EPB41: variants seen among roughly 807,000 people sequenced by gnomAD.
EPB41 encodes the protein protein 4.1.
In EPB41, 65 loss-of-function variants were observed where a neutral mutation model predicts 108.0. The ratio of observed to expected loss-of-function variants is 0.60; its 90% CI spans 0.49 to 0.74. The LOEUF is 0.74. Among genes scored for constraint, EPB41 ranks in the 30% least tolerant of loss-of-function variants. The pLI is 0.00. For missense variants in EPB41, 875 were observed against 1,037.0 expected (o/e 0.84, Z 2.15); for synonymous variants, 336 against 358.9 (o/e 0.94, Z 0.72).
chr1:29,069,413 A>C (rs1251690406), intron 16 of EPB41: 1 of 1,228,072 alleles, frequency 8.1e-7, no homozygotes, highest in East Asian at 3.2e-5. Flanking sequence ...GCATTTGCTT[A>C]AAGTAATGTA....
At chr1:28,990,018 A>T (rs2095970497) in intron 2 of EPB41, among the ~76,000 whole-genome samples, 1 of 152,114 alleles carries the variant, frequency 6.6e-6, no homozygotes, top group South Asian at 2.1e-4. Context: ...GCACTCTAGG[A>T]GGCTGAGGCA....
chr1:28,937,676 A>G (rs1254896352), intron 1 of EPB41, among the ~76,000 whole-genome samples: 4 of 152,202 alleles, frequency 2.6e-5, no homozygotes, highest in Non-Finnish European at 5.9e-5. Flanking sequence ...TACAGGCGTG[A>G]GCCACCGCGC....
intron 4 of EPB41, among the ~76,000 whole-genome samples, chr1:29,006,330 G>A (rs1423694919): frequency 6.8e-6 from 1 of 147,110 alleles, no homozygotes; most frequent in Non-Finnish European, 1.5e-5. Flanking sequence ...TCCGCCTCCC[G>A]GGTTCACGCC....
intron 17 of EPB41, among the ~76,000 whole-genome samples, chr1:29,098,460 G>T (rs1664035389): frequency 6.6e-6 from 1 of 152,186 alleles, no homozygotes; most frequent in Non-Finnish European, 1.5e-5. Flanking sequence ...CTCCCAAAGT[G>T]CTGAGATTAT....
intron 16 of EPB41, chr1:29,070,628 G>GT (rs997972162): frequency 6.0e-5 from 74 of 1,231,962 alleles, no homozygotes; most frequent in Non-Finnish European, 7.4e-5. Flanking sequence ...AGAAAACAGG[G>GT]TGCTCATCTG....
chr1:29,083,427 T>C (rs1657553701), intron 16 of EPB41, among the ~76,000 whole-genome samples: 1 of 152,202 alleles, frequency 6.6e-6, no homozygotes, highest in South Asian at 2.1e-4. Context: ...TTACAAGCTT[T>C]TGGGGGTGGG....
chr1:29,072,401 G>A (rs1651899653), intron 16 of EPB41: 2 of 152,066 alleles, frequency 1.3e-5, no homozygotes, highest in African/African-American at 4.8e-5. Context: ...GAATTAAAAG[G>A]AAATAATCAG....
At chr1:29,014,491 T>C (rs2096551453) in intron 5 of EPB41, among the ~76,000 whole-genome samples, 1 of 151,988 alleles carries the variant, frequency 6.6e-6, no homozygotes, top group African/African-American at 2.4e-5. Context: ...CAGTTTTCGT[T>C]CCTGGAAGCA....
intron 1 of EPB41, among the ~76,000 whole-genome samples, chr1:28,970,960 G>A (rs2095478408): frequency 6.6e-6 from 1 of 151,904 alleles, no homozygotes; most frequent in South Asian, 2.1e-4. Flanking sequence ...CGATTCTCCT[G>A]TCTCAGCCTC....
chr1:29,051,877 G>A (rs1644583213), intron 11 of EPB41, among the ~76,000 whole-genome samples: 2 of 139,748 alleles, frequency 1.4e-5, no homozygotes, highest in African/African-American at 2.7e-5. Flanking sequence ...TAGCCTAGGC[G>A]ACAGGGCAAG....
rs140309930 is a variant in EPB41, at chr1:29,081,821, G to A, written c.2185-15986G>A. On this transcript the variant is annotated intron_variant, in intron 16 of 20. Coordinates refer to ENST00000343067, the MANE Select transcript of EPB41 (RefSeq NM_001376013.1). ...TTGCACTCCAGCCTGGGCAACAAGA[G>A]CGAAACTCTGTCTCAAAAAAAAAAA... Among the ~76,000 whole-genome samples the A allele has an allele frequency of 4.8e-3, 653 of 135,528 alleles. 4 individuals are homozygous for A. Among genetic ancestry groups the A allele is most frequent in the African/African-American group, 0.016 (617 of 37,682 alleles). 88.9% of individuals were successfully genotyped at this position (135,528 alleles called of 152,430 possible). A position where few individuals can be genotyped will look rare whatever the true frequency, so the allele number is the denominator to read the frequency against.
intron 1 of EPB41, among the ~76,000 whole-genome samples, chr1:28,944,266 T>TA (rs1411963650): frequency 2.6e-5 from 4 of 151,622 alleles, no homozygotes; most frequent in African/African-American, 4.8e-5. Flanking sequence ...GTTAATTGGT[T>TA]AAAAAAAATA....
intron 1 of EPB41, among the ~76,000 whole-genome samples, chr1:28,950,146 A>C (rs1046752252): frequency 1.3e-5 from 2 of 152,142 alleles, no homozygotes; most frequent in Non-Finnish European, 2.9e-5. Context: ...TAAGCATCTC[A>C]AAGTTTCTCT....
intron 5 of EPB41, 71 bp downstream of exon 5, chr1:29,011,978 G>A: frequency 6.5e-7 from 1 of 1,542,196 alleles, no homozygotes; most frequent in South Asian, 1.1e-5. Context: ...AACCATTTCT[G>A]GCTGTGAGTC....
Position 29,020,318 on chromosome 1 carries a change from C to T in EPB41, c.1124+1876C>T, listed in dbSNP as rs1418049202. 5.3e-5 allele frequency among the ~76,000 whole-genome samples: 8 copies of T among 151,894 alleles called. No individual in the cohort carries two copies. The East Asian group carries it at 5.8e-4, about 11-fold the overall frequency. Reference sequence around the variant, plus strand: ...TTCTGACCTCATGATCCACCTGCCTCGGCCTCCCAAAGTGCTGGGATTACA... The same window carrying T: ...TTCTGACCTCATGATCCACCTGCCTTGGCCTCCCAAAGTGCTGGGATTACA... On this transcript the variant is annotated intron_variant, in intron 7 of 20. Transcript: ENST00000343067.
At chr1:29,080,636 T>A (rs1217296180) in intron 16 of EPB41, among the ~76,000 whole-genome samples, 1 of 150,674 alleles carries the variant, frequency 6.6e-6, no homozygotes, top group African/African-American at 2.4e-5. Flanking sequence ...CCATCCACCC[T>A]CCCCAGCCTC....
At chr1:28,902,548 G>A (rs1408723615) in intron 1 of EPB41, among the ~76,000 whole-genome samples, 1 of 152,116 alleles carries the variant, frequency 6.6e-6, no homozygotes, top group African/African-American at 2.4e-5. Context: ...CCAAGACAGA[G>A]GTGCCCAAAG....
chr1:28,947,408 G>GACAAACAAACAA (rs61120635), intron 1 of EPB41, among the ~76,000 whole-genome samples: 1 of 149,626 alleles, frequency 6.7e-6, no homozygotes, highest in Non-Finnish European at 1.5e-5. Flanking sequence ...CTCCGTCTCA[G>GACAAACAAACAA]ACAAACAAAC....
intron 1 of EPB41, among the ~76,000 whole-genome samples, chr1:28,901,140 A>G (rs1255182896): frequency 1.3e-5 from 2 of 152,036 alleles, no homozygotes; most frequent in Non-Finnish European, 2.9e-5. Flanking sequence ...TGTGTTAGCC[A>G]GGATAGTCTC....
Sources: allele counts gnomAD v4.1 joint callset (sites outside exome capture counted in the v4.1 genomes callset), GRCh38; gene constraint gnomAD v4.1.1; transcripts MANE v1.5; gene names NCBI Gene and HGNC (gene_info 2026-07-23, HGNC 2026-07-21).